PCDHA10: variants seen among roughly 807,000 people sequenced by gnomAD.
The protein encoded by PCDHA10 is protocadherin alpha 10.
PCDHA10 carries 45 observed loss-of-function variants against 61.2 expected under a neutral mutation model. That is an observed-to-expected ratio of 0.74 (90% CI 0.58 to 0.94). PCDHA10 has a LOEUF of 0.94. PCDHA10 is among the 40% of genes least tolerant of loss of function. The pLI is 0.00. For missense variants in PCDHA10, 1,278 were observed against 1,236.2 expected, an observed-to-expected ratio of 1.03 and a Z score of -0.51; for synonymous variants, 602 against 548.8, an observed-to-expected ratio of 1.10 and a Z score of -1.35.
intron 1 of PCDHA10, chr5:140,870,967 C>T (rs782808360): frequency 1.9e-6 from 3 of 1,613,648 alleles, no homozygotes; most frequent in Admixed American, 1.7e-5. Context: ...CATCCCGTTC[C>T]GCGTGGGGCT....
At position 140,856,216 on chromosome 5, in the gene PCDHA10, G is replaced by A. The variant is rs782147679; in HGVS notation, c.168G>A (p.Ala56=). ...CGCAGGACCTGGGGCTGGAGCTGGC[G>A]GAGCTGGTGCAGCGCCTGTTCCGGG... ...RIAQDLGLEL[A]ELVQRLFRVA... The change falls in exon 1 of 4, where the codon GCG becomes GCA. Residue 56 remains alanine, a synonymous_variant. Coordinates refer to ENST00000307360, the MANE Select transcript of PCDHA10 (RefSeq NM_018901.4). The A allele has an allele frequency of 8.1e-6, 13 of 1,597,922 alleles. 1 individual carries two copies. The Admixed American group carries it at 1.5e-4, about 19-fold the overall frequency.
chr5:140,883,227 T>C (rs1367769120), intron 1 of PCDHA10: 2 of 1,613,830 alleles, frequency 1.2e-6, no homozygotes, highest in African/African-American at 2.7e-5. Flanking sequence ...GAAATATCCG[T>C]GGAGGCAGTT....
chr5:140,935,957 A>G (rs1427987096), intron 1 of PCDHA10, among the ~76,000 whole-genome samples: 5 of 150,604 alleles, frequency 3.3e-5, no homozygotes, highest in African/African-American at 1.2e-4. Context: ...AAGTGGTACA[A>G]TCTTGGCTCA....
chr5:140,917,334 G>GC (rs1563019411), intron 1 of PCDHA10, among the ~76,000 whole-genome samples: 1 of 147,630 alleles, frequency 6.8e-6, no homozygotes, highest in Non-Finnish European at 1.5e-5. Context: ...CGGGGGAGGG[G>GC]GGGGATGGTG....
rs782467193 is a variant in PCDHA10, at chr5:140,884,498, G to A, written c.2388+26062G>A. 8.1e-6 allele frequency: 13 copies of A among 1,613,958 alleles called. No homozygotes were observed. The Admixed American group carries it at 8.3e-5, about 10-fold the overall frequency. On this transcript the variant is annotated intron_variant, in intron 1 of 3. Transcript: ENST00000307360. ...CAAGCCCACTCTAGTGTGCTCCAGC[G>A]CGGCAGGGAGTTGGTCGTACTCGCA...
At chr5:140,891,136 G>A (rs541876133) in intron 1 of PCDHA10, among the ~76,000 whole-genome samples, 1 of 152,068 alleles carries the variant, frequency 6.6e-6, no homozygotes, top group Non-Finnish European at 1.5e-5. Context: ...TTCCTTTAAA[G>A]GTATTCTGTT....
intron 1 of PCDHA10, chr5:140,862,425 A>T: frequency 2.8e-6 from 1 of 353,460 alleles, no homozygotes; most frequent in Non-Finnish European, 5.6e-6. Context: ...GCTGCCCAGA[A>T]ACTATTCGTT....
intron 1 of PCDHA10, among the ~76,000 whole-genome samples, chr5:140,874,847 A>AT (rs1459176801): frequency 6.6e-6 from 1 of 152,242 alleles, no homozygotes; most frequent in Non-Finnish European, 1.5e-5. Context: ...TATTAGACAT[A>AT]TTTTAGTTTC....
intron 1 of PCDHA10, among the ~76,000 whole-genome samples, chr5:140,937,959 T>C (rs1344033743): frequency 5.3e-5 from 8 of 152,142 alleles, no homozygotes; most frequent in African/African-American, 1.9e-4. Context: ...TTGTTGAAAG[T>C]ATATAGAAAT....
intron 1 of PCDHA10, among the ~76,000 whole-genome samples, chr5:140,953,801 T>C (rs2094937379): frequency 6.6e-6 from 1 of 152,204 alleles, no homozygotes; most frequent in Non-Finnish European, 1.5e-5. Flanking sequence ...ACTTTTAAGT[T>C]CTGAGGTGCA....
intron 1 of PCDHA10, chr5:140,870,834 C>G: frequency 6.2e-7 from 1 of 1,613,806 alleles, no homozygotes; most frequent in Non-Finnish European, 8.5e-7. Context: ...GCGCAGTTAA[C>G]AAGCTAGTAC....
intron 1 of PCDHA10, among the ~76,000 whole-genome samples, chr5:140,872,376 C>T (rs1270470575): frequency 1.3e-5 from 2 of 152,128 alleles, no homozygotes; most frequent in Non-Finnish European, 2.9e-5. Flanking sequence ...CCTGTAATCC[C>T]AGCTATTTGG....
At chr5:140,919,545 T>C (rs572558911) in intron 1 of PCDHA10, among the ~76,000 whole-genome samples, 15 of 152,314 alleles carry the variant, frequency 9.8e-5, no homozygotes, top group African/African-American at 3.6e-4. Flanking sequence ...ACTTTTCATT[T>C]ACTGATTTAT....
chr5:140,966,854 C>T (rs1554228784), intron 1 of PCDHA10: 2 of 1,573,744 alleles, frequency 1.3e-6, no homozygotes, highest in Admixed American at 1.8e-5. Context: ...GCCTCTCCTG[C>T]TGCTGTTGCT....
intron 1 of PCDHA10, among the ~76,000 whole-genome samples, chr5:140,898,035 T>G (rs1227571900): frequency 5.9e-5 from 9 of 152,120 alleles, no homozygotes; most frequent in African/African-American, 2.2e-4. Context: ...TTGATGGGGT[T>G]GTTTGTTTTT....
chr5:140,868,742 T>A (rs2050624283), intron 1 of PCDHA10: 2 of 208,154 alleles, frequency 9.6e-6, no homozygotes, highest in Non-Finnish European at 9.7e-6. Flanking sequence ...AGAAATACAA[T>A]GCCATTTCCA....
chr5:140,862,620 G>T, intron 1 of PCDHA10: 1 of 528,384 alleles, frequency 1.9e-6, no homozygotes, highest in South Asian at 1.4e-5. Context: ...GTAACAACCC[G>T]CGGGGCTGCC....
chr5:140,998,433 C>CTA (rs2097813622), intron 3 of PCDHA10, among the ~76,000 whole-genome samples: 2 of 152,160 alleles, frequency 1.3e-5, no homozygotes, highest in Admixed American at 1.3e-4. Flanking sequence ...TCCTTTAACA[C>CTA]TATTATTGTA....
intron 1 of PCDHA10, among the ~76,000 whole-genome samples, chr5:140,917,523 G>A (rs1201312809): frequency 2.0e-5 from 3 of 152,182 alleles, no homozygotes; most frequent in Non-Finnish European, 4.4e-5. Context: ...TTATTCTACG[G>A]TTTGTATAGT....
Sources: gnomAD v4.1 joint callset for allele counts (sites outside exome capture counted in the v4.1 genomes callset) on GRCh38, gnomAD v4.1.1 for gene constraint, MANE v1.5 for transcripts, NCBI Gene and HGNC (gene_info 2026-07-23, HGNC 2026-07-21) for gene names.